Variants in ZBED4 observed in about 807,000 individuals in gnomAD.
ZBED4 encodes zinc finger BED-type containing 4.
In ZBED4, 4 loss-of-function variants were observed where a neutral mutation model predicts 15.5. That is an observed-to-expected ratio of 0.26 (90% CI 0.13 to 0.59). The LOEUF (loss-of-function observed/expected upper bound fraction) is 0.59, where lower values mean the gene tolerates loss of function less well. ZBED4 is among the 20% of genes least tolerant of loss of function. The pLI is 0.90. For synonymous variants in ZBED4, 692 were observed against 608.5 expected, an observed-to-expected ratio of 1.14 and a Z score of -2.02; for missense variants, 1,323 against 1,461.8, an observed-to-expected ratio of 0.91 and a Z score of 1.55.
rs1002979374 is a variant in ZBED4 at position 49,883,932 on chromosome 22, C to T, written c.270C>T (p.Tyr90=). ...ACTATGGCGCGCTGTTCTCCCAGTA[C>T]AGCAGCACCCTATACGACGTGGCCA... ...EDDYGALFSQ[Y]SSTLYDVAME... The change falls in exon 2 of 2, where the codon TAC becomes TAT. Residue 90 remains tyrosine, a synonymous_variant. Transcript: ENST00000216268. The T allele has an allele frequency of 1.2e-5, 19 of 1,613,040 alleles. No homozygotes were observed. In the African/African-American group the frequency reaches 2.4e-4, roughly 20 times the overall value.
At position 49,884,553 on chromosome 22, in the gene ZBED4, G is replaced by A. The variant is rs754615260; in HGVS notation, c.891G>A (p.Ser297=). The change falls in exon 2 of 2, where the codon TCG becomes TCA. Residue 297 remains serine (S), a synonymous_variant. Coordinates refer to ENST00000216268, the MANE Select transcript of ZBED4 (RefSeq NM_014838.3). ...CTGTCTGGAAGCACTTCTACCTGTC[G>A]CCACTGGACAACTCCAAAGCTGTCT... ...RSAVWKHFYL[S]PLDNSKAVCI... is the part of the protein sequence containing the mutation. The A allele has an allele frequency of 3.9e-5, 63 of 1,613,238 alleles. No homozygotes were observed. Among genetic ancestry groups the A allele is most frequent in the Admixed American group, 6.7e-5 (4 of 59,902 alleles).
intron 1 of ZBED4, among the ~76,000 whole-genome samples, chr22:49,877,855 G>A (rs1018422387): frequency 2.0e-5 from 3 of 151,974 alleles, no homozygotes; most frequent in Admixed American, 6.6e-5. Context: ...TTGGCCTCCC[G>A]CACTCTGCAG....
In ZBED4 at chr22:49,870,942, G is replaced by T. The variant is rs1035421791; in HGVS notation, c.-329-12392G>T. ...TTTCAGTAAGTATTTTTAAAAGATA[G>T]ATTTTTTTTTTTTTTTGAGATGGAG... On this transcript the variant is annotated intron_variant, in intron 1 of 1. Transcript: ENST00000216268. 5.6e-4 allele frequency among the ~76,000 whole-genome samples: 31 copies of T among 55,822 alleles called. No individual in the cohort carries two copies. In the Admixed American group the frequency reaches 7.0e-3, roughly 13 times the overall value. The allele number at this position is 55,822 out of a possible 152,430, so 36.6% of individuals were successfully genotyped here.
chr22:49,856,462 A>G (rs964172927), intron 1 of ZBED4, among the ~76,000 whole-genome samples: 2 of 152,238 alleles, frequency 1.3e-5, no homozygotes, highest in African/African-American at 2.4e-5. Context: ...TCTGGGGGCG[A>G]TGGCGGAAGC....
intron 1 of ZBED4, among the ~76,000 whole-genome samples, chr22:49,856,717 CCGCGCT>C (rs1194258582): frequency 5.5e-5 from 2 of 36,278 alleles, no homozygotes; most frequent in Non-Finnish European, 1.3e-4. Context: ...TAGGTGAAGG[CCGCGCT>C]GGAATCCCGG....
chr22:49,877,810 C>T (rs79189617), intron 1 of ZBED4, among the ~76,000 whole-genome samples: 2,262 of 152,212 alleles, frequency 0.015, 57 homozygotes, highest in African/African-American at 0.052. Flanking sequence ...TTCTGCCCCT[C>T]GTGGCCCCTC....
chr22:49,853,171 AAC>A (rs1389618403), upstream of ZBED4: 1 of 152,288 alleles, frequency 6.6e-6, no homozygotes, highest in East Asian at 1.9e-4. Context: ...GTTAGGAAAT[AAC>A]ACATTAAAAG....
At position 49,885,683 on chromosome 22, in the gene ZBED4, CT is replaced by C; in HGVS notation, c.2025del (p.Phe675LeufsTer2). 1 of 1,611,664 alleles carries C rather than the reference CT, an allele frequency of 6.2e-7. No individual in the cohort carries two copies. Among genetic ancestry groups the C allele is most frequent in the Non-Finnish European group, 8.5e-7 (1 of 1,177,976 alleles). On this transcript the variant is annotated frameshift_variant, in exon 2 of 2. Transcript: ENST00000216268. LOFTEE classifies it high-confidence loss of function. ...EMIALDLQPY[S>X]FVDNVGFNRL... ...ATTGCACTTGACCTCCAGCCATATTCTTTTGTAGACAACGTTGGCTTTAACA... is the reference window on the plus strand; with the variant it reads ...ATTGCACTTGACCTCCAGCCATATTCTTTGTAGACAACGTTGGCTTTAACA...
Position 49,853,874 on chromosome 22 carries a change from C to T in ZBED4, c.-445C>T, listed in dbSNP as rs1188793312. ...GTCCGGCGGCGTCGCGGGCGGCGGG[C>T]GGCGGGGCCGCGGGAGGGGCGCGGG... On this transcript the variant is annotated 5_prime_UTR_variant, in exon 1 of 2. Coordinates refer to ENST00000216268, the MANE Select transcript of ZBED4 (RefSeq NM_014838.3). The T allele has an allele frequency of 7.0e-5, 10 of 143,458 alleles. No individual in the cohort carries two copies. The East Asian group carries it at 1.7e-3, about 24-fold the overall frequency. 8.9% of individuals were successfully genotyped at this position (143,458 alleles called of 1,614,324 possible).
intron 1 of ZBED4, among the ~76,000 whole-genome samples, chr22:49,870,985 G>A (rs780785474): frequency 2.0e-5 from 3 of 148,280 alleles, no homozygotes; most frequent in Non-Finnish European, 3.0e-5. Flanking sequence ...CTGTTACCCA[G>A]GCTGGAGTGC....
In ZBED4 at chr22:49,884,625, C is replaced by T; in HGVS notation, c.963C>T (p.Asp321=). The change falls in exon 2 of 2, where the codon GAC becomes GAT. Residue 321 remains aspartate (D), a synonymous_variant. Transcript: ENST00000216268. Reference sequence around the variant, plus strand: ...TCAGCCGGGGGAAGAATGGGAAGGACCTGGGCACGAGCTGCCTCATCAGGC... The same window carrying T: ...TCAGCCGGGGGAAGAATGGGAAGGATCTGGGCACGAGCTGCCTCATCAGGC... The part of the protein sequence containing the change: ...NEFSRGKNGK[D]LGTSCLIRHM... The T allele has an allele frequency of 1.2e-6, 2 of 1,612,670 alleles. No homozygotes were observed. The highest frequency in any genetic ancestry group is 1.7e-5 in the Admixed American group (1 of 59,944).
In ZBED4 at chr22:49,887,244, T is replaced by C; in HGVS notation, c.*66T>C. 1.3e-6 allele frequency: 2 copies of C among 1,512,952 alleles called. No individual in the cohort carries two copies. Among genetic ancestry groups the C allele is most frequent in the Non-Finnish European group, 1.8e-6 (2 of 1,117,302 alleles). 93.7% of individuals were successfully genotyped at this position (1,512,952 alleles called of 1,614,324 possible). A position where few individuals can be genotyped will look rare whatever the true frequency, so the allele number is the denominator to read the frequency against. On this transcript the variant is annotated 3_prime_UTR_variant, in exon 2 of 2. Transcript: ENST00000216268. ...CAGCGTTAGCAGCCTGTACCAGGTCTATGACCCGCTCTGCCCACGGCTGTG... is the reference window on the plus strand; with the variant it reads ...CAGCGTTAGCAGCCTGTACCAGGTCCATGACCCGCTCTGCCCACGGCTGTG...
In ZBED4 at chr22:49,886,713, T is replaced by C. The variant is rs766675915; in HGVS notation, c.3051T>C (p.Phe1017=). 1 of 1,613,396 alleles carries C rather than the reference T, an allele frequency of 6.2e-7. No individual in the cohort carries two copies. Among genetic ancestry groups the C allele is most frequent in the South Asian group, 1.1e-5 (1 of 91,016 alleles). The change falls in exon 2 of 2, where the codon TTT becomes TTC. Residue 1017 remains phenylalanine, a synonymous_variant. Coordinates refer to ENST00000216268, the MANE Select transcript of ZBED4 (RefSeq NM_014838.3). This position sits in a 1 kb window ranked among gnomAD's most constrained non-coding sequence, Gnocchi z 7.7. ...ATCCTCGCTACAAGGCCTCCCTGTT[T>C]ACGGAGGAGGAGGCGGAGCAGTACA... ...LLDPRYKASL[F]TEEEAEQYKQ... is the part of the protein sequence containing the mutation.
chr22:49,860,779 C>CT (rs560679145), intron 1 of ZBED4, among the ~76,000 whole-genome samples: 1,570 of 137,538 alleles, frequency 0.011, 7 homozygotes, highest in African/African-American at 0.015. Context: ...TCTAAGCAAC[C>CT]TTTTTTTTTT....
rs1194009854 is a variant in ZBED4 at position 49,884,076 on chromosome 22, C to T, written c.414C>T (p.Tyr138=). The T allele has an allele frequency of 6.2e-7, 1 of 1,610,248 alleles. No homozygotes were observed. Among genetic ancestry groups the T allele is most frequent in the Non-Finnish European group, 8.5e-7 (1 of 1,178,536 alleles). Residue 138 remains tyrosine (Y), a synonymous_variant, in exon 2 of 2, where the codon TAC becomes TAT. Coordinates refer to ENST00000216268, the MANE Select transcript of ZBED4 (RefSeq NM_014838.3). ...PRDSTKAICM[Y]CVKEFSRGKN... is the part of the protein sequence containing the mutation. ...ACAGCACTAAAGCAATATGCATGTACTGTGTGAAGGAGTTCAGCAGAGGCA... is the reference window on the plus strand; with the variant it reads ...ACAGCACTAAAGCAATATGCATGTATTGTGTGAAGGAGTTCAGCAGAGGCA...
intron 1 of ZBED4, among the ~76,000 whole-genome samples, 197 bp downstream of exon 1, chr22:49,854,186 G>C (rs1440799359): frequency 6.8e-6 from 1 of 146,332 alleles, no homozygotes; most frequent in Non-Finnish European, 1.5e-5. Context: ...CGCGGACCCC[G>C]GCCCTGACAG....
At chr22:49,858,324 T>C (rs2060283072) in intron 1 of ZBED4, among the ~76,000 whole-genome samples, 3 of 152,220 alleles carry the variant, frequency 2.0e-5, no homozygotes, top group Non-Finnish European at 2.9e-5. Flanking sequence ...AGGTGAAGGC[T>C]ACTCAGGTGT....
rs2060419348 is a variant in ZBED4 at position 49,883,363 on chromosome 22, C to T, written c.-300C>T. 4 of 260,394 alleles carry T rather than the reference C, an allele frequency of 1.5e-5. No homozygotes were observed. Among genetic ancestry groups the T allele is most frequent in the African/African-American group, 6.5e-5 (3 of 45,910 alleles). 16.1% of individuals were successfully genotyped at this position (260,394 alleles called of 1,614,324 possible). On this transcript the variant is annotated 5_prime_UTR_variant, in exon 2 of 2. The change creates a premature stop within an existing upstream ORF in the 5' untranslated region. Coordinates refer to ENST00000216268, the MANE Select transcript of ZBED4 (RefSeq NM_014838.3). ...TGCACAAGGGTCACGTGTATGCTCT[C>T]AAGATGATCAGGCAGATCCTGTCCT... is the stretch of plus-strand genomic sequence containing the variant.
Position 49,885,738 on chromosome 22 carries a change from C to G in ZBED4, c.2076C>G (p.Tyr692Ter). Residue 692 changes from tyrosine (Y) to a stop codon, truncating the protein, a stop_gained, in exon 2 of 2, where the codon TAC becomes TAG. Transcript: ENST00000216268. LOFTEE classifies it high-confidence loss of function. ...NRLLEYLKPQ[Y>*]SLPAPSYFSR... ...TGCTTGAATACTTGAAACCTCAGTA[C>G]TCCCTCCCCGCCCCTTCCTACTTCT... 1.2e-6 allele frequency: 2 copies of G among 1,604,162 alleles called. No homozygotes were observed. Among genetic ancestry groups the G allele is most frequent in the Non-Finnish European group, 1.7e-6 (2 of 1,172,908 alleles).
Sources: gnomAD v4.1 joint callset for allele counts (sites outside exome capture counted in the v4.1 genomes callset) on GRCh38, gnomAD v4.1.1 for gene constraint, Gnocchi (gnomAD v3.1) non-coding constraint, MANE v1.5 for transcripts, NCBI Gene and HGNC (gene_info 2026-07-23, HGNC 2026-07-21) for gene names.